The following INPP4B variants were observed in gnomAD, a reference collection of about 807,000 sequenced individuals.
INPP4B encodes inositol polyphosphate 4-phosphatase type II.
A neutral mutation model predicts 122.5 loss-of-function variants in INPP4B; 55 were observed. The observed-to-expected ratio is 0.45, with a 90% CI of 0.36 to 0.56. The LOEUF (loss-of-function observed/expected upper bound fraction) is 0.56, where lower values mean the gene tolerates loss of function less well. INPP4B is among the 20% of genes least tolerant of loss of function. The pLI is 0.00. For missense variants in INPP4B, 1,000 were observed against 1,097.7 expected (o/e 0.91, Z 1.26); for synonymous variants, 403 against 388.7 (o/e 1.04, Z -0.43).
intron 7 of INPP4B, among the ~76,000 whole-genome samples, chr4:142,402,453 C>T (rs11722756): frequency 0.28 from 43,132 of 152,074 alleles, 7,611 homozygotes; most frequent in South Asian, 0.45. Flanking sequence ...GAGCAGTTAA[C>T]GTTTCTTCCT....
chr4:142,440,425 T>C (rs1181811180), intron 3 of INPP4B, among the ~76,000 whole-genome samples: 1 of 152,144 alleles, frequency 6.6e-6, no homozygotes, highest in African/African-American at 2.4e-5. Flanking sequence ...GCAGCAGGAA[T>C]GAAAGATGTG....
At chr4:142,499,043 G>A (rs114413302) in intron 2 of INPP4B, among the ~76,000 whole-genome samples, 105 of 152,246 alleles carry the variant, frequency 6.9e-4, no homozygotes, top group African/African-American at 2.5e-3. Flanking sequence ...AATGTGGAAA[G>A]CATTCCAAAA....
chr4:142,614,195 A>G (rs1026601524), intron 2 of INPP4B, among the ~76,000 whole-genome samples: 3 of 152,086 alleles, frequency 2.0e-5, no homozygotes, highest in Admixed American at 1.3e-4. Context: ...TCCAGCCAAC[A>G]TGGGTGACAG....
At chr4:142,149,546 A>G (rs191927787) in intron 17 of INPP4B, among the ~76,000 whole-genome samples, 24 of 152,240 alleles carry the variant, frequency 1.6e-4, no homozygotes, top group African/African-American at 5.3e-4. Context: ...CAAACTAAGC[A>G]GAAAAAAAAA....
intron 2 of INPP4B, among the ~76,000 whole-genome samples, chr4:142,608,894 T>C (rs1741887450): frequency 6.6e-6 from 1 of 152,148 alleles, no homozygotes; most frequent in Non-Finnish European, 1.5e-5. Context: ...TCAGTGTCTG[T>C]TCCCCAATCT....
chr4:142,574,301 T>C (rs1580403297), intron 2 of INPP4B, among the ~76,000 whole-genome samples: 1 of 152,088 alleles, frequency 6.6e-6, no homozygotes, highest in East Asian at 1.9e-4. Flanking sequence ...AGCCTCCTTA[T>C]TCTGTTTCCT....
chr4:142,424,366 G>A (rs1366048572), intron 5 of INPP4B, among the ~76,000 whole-genome samples: 1 of 151,804 alleles, frequency 6.6e-6, no homozygotes, highest in African/African-American at 2.4e-5. Context: ...GTGCATTCAG[G>A]TTATTTATTA....
intron 2 of INPP4B, among the ~76,000 whole-genome samples, chr4:142,504,271 C>T (rs761244850): frequency 2.6e-5 from 4 of 151,700 alleles, no homozygotes; most frequent in African/African-American, 4.8e-5. Context: ...TTAAATTTAC[C>T]AAGAGGGAAA....
intron 15 of INPP4B, among the ~76,000 whole-genome samples, chr4:142,177,839 T>TA (rs1236774743): frequency 1.3e-5 from 2 of 152,162 alleles, no homozygotes; most frequent in East Asian, 3.9e-4. Flanking sequence ...AAAATACAAT[T>TA]AAAACAAGGA....
chr4:142,091,628 C>T (rs1043369781), intron 23 of INPP4B, among the ~76,000 whole-genome samples: 3 of 152,174 alleles, frequency 2.0e-5, no homozygotes, highest in Non-Finnish European at 4.4e-5. Flanking sequence ...AACCCCATGA[C>T]TATTCTCGTA....
At chr4:142,205,917 A>C (rs772048410) in intron 14 of INPP4B, among the ~76,000 whole-genome samples, 9 of 152,170 alleles carry the variant, frequency 5.9e-5, no homozygotes, top group Non-Finnish European at 1.0e-4. Context: ...GACACTCAGT[A>C]ATCAAGGAAG....
At chr4:142,066,783 C>T (rs545412868) in intron 25 of INPP4B, among the ~76,000 whole-genome samples, 3 of 152,322 alleles carry the variant, frequency 2.0e-5, no homozygotes, top group East Asian at 1.9e-4. Flanking sequence ...GGAGGGGCAT[C>T]TGCCATTGCC....
intron 1 of INPP4B, among the ~76,000 whole-genome samples, chr4:142,842,917 A>G (rs1783734430): frequency 7.1e-6 from 1 of 140,354 alleles, no homozygotes; most frequent in Non-Finnish European, 1.5e-5. Context: ...TAATATATAT[A>G]CTATATATAA....
At chr4:142,512,797 C>T (rs1312766647) in intron 2 of INPP4B, among the ~76,000 whole-genome samples, 1 of 152,080 alleles carries the variant, frequency 6.6e-6, no homozygotes, top group Non-Finnish European at 1.5e-5. Context: ...CTATTTCAAA[C>T]TTTTTTTAGT....
At chr4:142,807,115 C>T (rs1192832842) in intron 1 of INPP4B, among the ~76,000 whole-genome samples, 1 of 152,154 alleles carries the variant, frequency 6.6e-6, no homozygotes. Flanking sequence ...ACCGTTAATT[C>T]AACTCAATAT....
intron 2 of INPP4B, among the ~76,000 whole-genome samples, chr4:142,477,671 A>G (rs1030751947): frequency 3.3e-5 from 5 of 152,108 alleles, no homozygotes; most frequent in Non-Finnish European, 7.3e-5. Context: ...CAAACTTAAA[A>G]CCCTGGAAGA....
chr4:142,331,724 T>C (rs981335102), intron 7 of INPP4B, among the ~76,000 whole-genome samples: 12 of 152,222 alleles, frequency 7.9e-5, no homozygotes, highest in African/African-American at 2.9e-4. Context: ...GAATCTGGTT[T>C]ACCAGAATCA....
chr4:142,294,353 G>A lies in INPP4B; in HGVS notation c.503+11105C>T, dbSNP rs192982898. On this transcript the variant is annotated intron_variant, in intron 9 of 25. Transcript: ENST00000262992. Reference sequence around the variant, plus strand: ...CTAAGCTTCTGATGATGGAAAGACAGTCATTGGTCACAGGAAATTGAGAGG... The same window carrying A: ...CTAAGCTTCTGATGATGGAAAGACAATCATTGGTCACAGGAAATTGAGAGG... Among the ~76,000 whole-genome samples, 433 of 152,122 alleles carry A rather than the reference G, an allele frequency of 2.8e-3. 1 individual carries two copies. The highest frequency in any genetic ancestry group is 0.01 in the African/African-American group (417 of 41,500).
intron 25 of INPP4B, among the ~76,000 whole-genome samples, chr4:142,031,259 G>A (rs142522088): frequency 6.6e-5 from 10 of 152,242 alleles, no homozygotes; most frequent in African/African-American, 2.4e-4. Context: ...GCTCTTCTAT[G>A]TTTTCAGGCA....
Sources: gnomAD v4.1 joint callset for allele counts (sites outside exome capture counted in the v4.1 genomes callset) on GRCh38, gnomAD v4.1.1 for gene constraint, MANE v1.5 for transcripts, NCBI Gene and HGNC (gene_info 2026-07-23, HGNC 2026-07-21) for gene names.